Variants in ABR observed in about 807,000 individuals in gnomAD.
The protein encoded by ABR is active breakpoint cluster region-related protein.
A neutral mutation model predicts 107.2 loss-of-function variants in ABR; 35 were observed. The ratio of observed to expected loss-of-function variants is 0.33; its 90% CI spans 0.25 to 0.43. ABR has a LOEUF of 0.43. ABR is among the 20% of genes least tolerant of loss of function. ABR has a pLI of 1.00. For synonymous variants in ABR, 498 were observed against 462.0 expected, an observed-to-expected ratio of 1.08 and a Z score of -1.00; for missense variants, 815 against 1,115.2, an observed-to-expected ratio of 0.73 and a Z score of 3.83.
At position 1,084,897 on chromosome 17, in the gene ABR, G is replaced by A. The variant is rs2036490020; in HGVS notation, c.532-1270C>T. 1.3e-5 allele frequency among the ~76,000 whole-genome samples: 2 copies of A among 151,568 alleles called. No homozygotes were observed. The highest frequency in any genetic ancestry group is 6.6e-5 in the Admixed American group (1 of 15,242). ...GATCTCGGCTCACCGCAACCTCCCGGATTCAAGGGATTCTCCTGCCTCAGC... is the reference window on the plus strand; with the variant it reads ...GATCTCGGCTCACCGCAACCTCCCGAATTCAAGGGATTCTCCTGCCTCAGC... On this transcript the variant is annotated intron_variant, in intron 4 of 22. Coordinates refer to ENST00000302538, the MANE Select transcript of ABR (RefSeq NM_021962.5). This position sits in a 1 kb window ranked among gnomAD's most constrained non-coding sequence, Gnocchi z 4.2.
At chr17:1,113,281 T>TTG (rs1567780351) in intron 2 of ABR, among the ~76,000 whole-genome samples, 1 of 131,742 alleles carries the variant, frequency 7.6e-6, no homozygotes, top group Non-Finnish European at 1.6e-5. Flanking sequence ...TATTGCGATT[T>TTG]TTTTTTTTTT....
intron 16 of ABR, among the ~76,000 whole-genome samples, chr17:1,036,677 G>A (rs555450723): frequency 6.6e-6 from 1 of 152,162 alleles, no homozygotes; most frequent in African/African-American, 2.4e-5. Context: ...GCGGGAGGAT[G>A]GCACGTTCCG....
chr17:1,226,029 A>G (rs1265991140), intron 1 of ABR, among the ~76,000 whole-genome samples: 2 of 152,204 alleles, frequency 1.3e-5, no homozygotes, highest in Admixed American at 1.3e-4. Context: ...AAAACAGAAT[A>G]ATACTCGCCG....
rs1263720840 is a variant in ABR, at chr17:1,194,739, C to T, written c.838+34054G>A. 1.8e-4 allele frequency among the ~76,000 whole-genome samples: 23 copies of T among 124,648 alleles called. 5 individuals carry two copies. Among genetic ancestry groups the T allele is most frequent in the Admixed American group, 1.2e-3 (12 of 10,124 alleles). The allele number at this position is 124,648 out of a possible 152,430, so 81.8% of individuals were successfully genotyped here. On this transcript the variant is annotated intron_variant, in intron 1 of 22. Coordinates refer to the ABR transcript ENST00000574139. ...TGCGGTCTCAGCTCACTGCAACCTC[C>T]ACCTCCCGGGTTCAAGCAATCCTCC...
rs1260445268 is a variant in ABR, at chr17:1,092,419, T to C, written c.346-569A>G. ...TGCAGCCCACCCCCGTGGCAGACAT[T>C]GCTAAGCGACCGTGATGGTCCTTCC... On this transcript the variant is annotated intron_variant, in intron 3 of 22. Coordinates refer to ENST00000302538, the MANE Select transcript of ABR (RefSeq NM_021962.5). The surrounding 1 kb of genome is among the most constrained non-coding windows in gnomAD (Gnocchi z 4.6). Among the ~76,000 whole-genome samples the C allele has an allele frequency of 6.6e-6, 1 of 152,156 alleles. No individual in the cohort carries two copies. Among genetic ancestry groups the C allele is most frequent in the Non-Finnish European group, 1.5e-5 (1 of 68,030 alleles).
At chr17:1,229,212 G>A (rs1464326250) in exon 1 of ABR, among the ~76,000 whole-genome samples, 1 of 151,572 alleles carries the variant, frequency 6.6e-6, no homozygotes, top group Non-Finnish European at 1.5e-5. Context: ...CCCGAGGGGC[G>A]CGTCGTCCTC....
chr17:1,158,647 C>T (rs2041136958), intron 1 of ABR, among the ~76,000 whole-genome samples: 1 of 151,782 alleles, frequency 6.6e-6, no homozygotes, highest in African/African-American at 2.4e-5. Flanking sequence ...CCTGTAGTCC[C>T]AGCTACTCGG....
intron 16 of ABR, among the ~76,000 whole-genome samples, chr17:1,036,449 G>T (rs2073183058): frequency 6.6e-6 from 1 of 152,176 alleles, no homozygotes; most frequent in East Asian, 1.9e-4. Flanking sequence ...CAGAGCTGGG[G>T]GACAAGAAGG....
intron 1 of ABR, among the ~76,000 whole-genome samples, chr17:1,195,662 G>A (rs1423157310): frequency 6.6e-6 from 1 of 151,430 alleles, no homozygotes; most frequent in African/African-American, 2.4e-5. Context: ...AAATTAGCCG[G>A]GCGTGGTGGT....
At chr17:1,107,909 C>T (rs1184107938) in intron 2 of ABR, among the ~76,000 whole-genome samples, 2 of 152,256 alleles carry the variant, frequency 1.3e-5, no homozygotes, top group African/African-American at 4.8e-5. Flanking sequence ...CCTCCATTGG[C>T]TCCTCCTCAG....
At chr17:1,216,445 G>C (rs1176287650) in intron 1 of ABR, among the ~76,000 whole-genome samples, 1 of 152,198 alleles carries the variant, frequency 6.6e-6, no homozygotes, top group Non-Finnish European at 1.5e-5. Context: ...GTCAGAAGTG[G>C]AGAAAGGGGC....
At chr17:1,211,007 T>C (rs2042891310) in intron 1 of ABR, among the ~76,000 whole-genome samples, 1 of 152,134 alleles carries the variant, frequency 6.6e-6, no homozygotes, top group African/African-American at 2.4e-5. Flanking sequence ...TGGCCGAGCG[T>C]GGTGGCTCAC....
intron 16 of ABR, among the ~76,000 whole-genome samples, chr17:1,016,336 A>C (rs1382377685): frequency 9.1e-6 from 1 of 110,314 alleles, no homozygotes; most frequent in African/African-American, 3.2e-5. Context: ...TTTTTTTTTG[A>C]GACGGAGTCT....
At chr17:1,181,237 G>A (rs2042124059), upstream of ABR, among the ~76,000 whole-genome samples, 1 of 152,184 alleles carries the variant, frequency 6.6e-6, no homozygotes, top group African/African-American at 2.4e-5. Flanking sequence ...AAGGGGAGAA[G>A]CAGCTCCTCC....
chr17:1,165,225 C>T lies in ABR; in HGVS notation c.61+14442G>A, dbSNP rs1473789989. Among the ~76,000 whole-genome samples the T allele has an allele frequency of 2.0e-5, 3 of 152,384 alleles. No homozygotes were observed. In the East Asian group the frequency reaches 5.8e-4, roughly 29 times the overall value. ...ACAGAACCGGGCCCTGGAGCGCCTT[C>T]CCACAATCCAAAAATGCCCCTCAGT... On this transcript the variant is annotated intron_variant, in intron 1 of 22. Coordinates refer to ENST00000302538, the MANE Select transcript of ABR (RefSeq NM_021962.5).
At chr17:1,164,237 C>T (rs1225887647) in intron 1 of ABR, among the ~76,000 whole-genome samples, 2 of 149,726 alleles carry the variant, frequency 1.3e-5, no homozygotes, top group Non-Finnish European at 3.0e-5. Context: ...ACATGGATGT[C>T]GGAGGATCTA....
intron 16 of ABR, among the ~76,000 whole-genome samples, chr17:1,042,208 TC>T (rs1200630989): frequency 2.6e-5 from 4 of 152,088 alleles, no homozygotes; most frequent in African/African-American, 9.7e-5. Context: ...GGCACCTACA[TC>T]CACGGACGGA....
At position 1,037,599 on chromosome 17, in the gene ABR, G is replaced by C. The variant is rs1482054321; in HGVS notation, c.1791+12451C>G. 6.6e-6 allele frequency among the ~76,000 whole-genome samples: 1 copy of C among 152,220 alleles called. No individual in the cohort carries two copies. The highest frequency in any genetic ancestry group is 1.5e-5 in the Non-Finnish European group (1 of 68,048). On this transcript the variant is annotated intron_variant, in intron 16 of 22. Coordinates refer to ENST00000302538, the MANE Select transcript of ABR (RefSeq NM_021962.5). This position sits in a 1 kb window ranked among gnomAD's most constrained non-coding sequence, Gnocchi z 4.6. Reference sequence around the variant, plus strand: ...AACTCACCCAGGGACAGAGTGGGCAGGGCGTGGCCCCTCAGTATGCTGTCC... The same window carrying C: ...AACTCACCCAGGGACAGAGTGGGCACGGCGTGGCCCCTCAGTATGCTGTCC...
intron 1 of ABR, among the ~76,000 whole-genome samples, chr17:1,172,416 C>T (rs1381761903): frequency 2.0e-5 from 3 of 152,210 alleles, no homozygotes; most frequent in South Asian, 2.1e-4. Flanking sequence ...CTCCCAGCAG[C>T]GTCATGTCCC....
Sources: allele counts gnomAD v4.1 joint callset (sites outside exome capture counted in the v4.1 genomes callset), GRCh38; gene constraint gnomAD v4.1.1; non-coding constraint Gnocchi (gnomAD v3.1); transcripts MANE v1.5; gene names NCBI Gene and HGNC (gene_info 2026-07-23, HGNC 2026-07-21).